UTP6: variants seen among roughly 807,000 people sequenced by gnomAD.
UTP6 encodes the protein UTP6 small subunit processome component.
Under a neutral mutation model 96.5 loss-of-function variants are expected in UTP6, and 60 were observed. That is an observed-to-expected ratio of 0.62 (90% CI 0.51 to 0.77). UTP6 has a LOEUF of 0.77. UTP6 is among the 30% of genes least tolerant of loss of function. The probability of loss-of-function intolerance (pLI) is 0.00; values close to 1 mark genes in which losing one functional copy is unlikely to be tolerated. For missense variants in UTP6, 637 were observed against 706.5 expected, an observed-to-expected ratio of 0.90 and a Z score of 1.12; for synonymous variants, 215 against 240.1, an observed-to-expected ratio of 0.90 and a Z score of 0.96.
chr17:31,881,041 T>C (rs1198283780), intron 10 of UTP6, among the ~76,000 whole-genome samples: 1 of 151,914 alleles, frequency 6.6e-6, no homozygotes, highest in Non-Finnish European at 1.5e-5. Flanking sequence ...CCAGGCATGA[T>C]GGCATGTGAC....
At position 31,862,456 on chromosome 17, in the gene UTP6, C is replaced by G. The variant is rs529083002; in HGVS notation, c.*903G>C. 6.6e-6 allele frequency: 1 copy of G among 152,274 alleles called. No individual in the cohort carries two copies. The highest frequency in any genetic ancestry group is 1.9e-4 in the East Asian group (1 of 5,192). 9.4% of individuals were successfully genotyped at this position (152,274 alleles called of 1,614,324 possible). A position where few individuals can be genotyped will look rare whatever the true frequency, so the allele number is the denominator to read the frequency against. ...CAATAAGCTACACTGAAAGCTTCTCCCAGTGACAGGATGCTTTTTTTTACC... is the reference window on the plus strand; with the variant it reads ...CAATAAGCTACACTGAAAGCTTCTCGCAGTGACAGGATGCTTTTTTTTACC... On this transcript the variant is annotated 3_prime_UTR_variant, in exon 19 of 19. Coordinates refer to ENST00000261708, the MANE Select transcript of UTP6 (RefSeq NM_018428.3).
chr17:31,886,655 C>T (rs866244952), intron 8 of UTP6: 1 of 152,818 alleles, frequency 6.5e-6, no homozygotes, highest in African/African-American at 2.4e-5. Context: ...CAAGGAGCAA[C>T]ACTCCGTCTG....
chr17:31,889,165 TA>T, intron 7 of UTP6, 119 bp downstream of exon 7: 1 of 650,330 alleles, frequency 1.5e-6, no homozygotes, highest in Non-Finnish European at 2.6e-6. Context: ...CGGGCACCTG[TA>T]ATCCCAGCTA....
intron 1 of UTP6, among the ~76,000 whole-genome samples, chr17:31,901,022 G>T (rs1411145636): frequency 6.6e-6 from 1 of 152,072 alleles, no homozygotes; most frequent in Non-Finnish European, 1.5e-5. Flanking sequence ...ATTTTAACAC[G>T]CTACTGAATG....
chr17:31,901,278 C>G, intron 1 of UTP6: 1 of 476,028 alleles, frequency 2.1e-6, no homozygotes, highest in Non-Finnish European at 3.9e-6. Flanking sequence ...AGCAGGAATC[C>G]TGGGTTTATC....
intron 16 of UTP6, among the ~76,000 whole-genome samples, chr17:31,871,931 C>T (rs374272499): frequency 6.6e-6 from 1 of 151,806 alleles, no homozygotes; most frequent in Non-Finnish European, 1.5e-5. Flanking sequence ...CAGTGGCTCA[C>T]ACCTGTAATC....
chr17:31,900,779 G>A (rs764829731), intron 1 of UTP6, among the ~76,000 whole-genome samples: 1 of 152,192 alleles, frequency 6.6e-6, no homozygotes, highest in Admixed American at 6.6e-5. Flanking sequence ...CCTTAGCTAA[G>A]GAATGAACAT....
chr17:31,890,479 G>A (rs183099082), intron 6 of UTP6, among the ~76,000 whole-genome samples: 12 of 151,856 alleles, frequency 7.9e-5, no homozygotes, highest in South Asian at 6.2e-4. Context: ...TTAGCCAGGC[G>A]TGGTGGCACC....
chr17:31,872,402 T>A (rs369863387), intron 16 of UTP6, among the ~76,000 whole-genome samples: 3 of 151,688 alleles, frequency 2.0e-5, no homozygotes, highest in Non-Finnish European at 4.4e-5. Flanking sequence ...GCATGGTGGC[T>A]TACACTTATA....
At chr17:31,872,234 T>A (rs1259092929) in intron 16 of UTP6, among the ~76,000 whole-genome samples, 1 of 151,964 alleles carries the variant, frequency 6.6e-6, no homozygotes, top group African/African-American at 2.4e-5. Context: ...TAAATAAAAT[T>A]ACAGTTATAC....
chr17:31,880,574 T>G lies in UTP6; in HGVS notation c.966A>C (p.Thr322=). The G allele has an allele frequency of 6.2e-7, 1 of 1,614,148 alleles. No individual in the cohort carries two copies. Among genetic ancestry groups the G allele is most frequent in the South Asian group, 1.1e-5 (1 of 91,084 alleles). The change falls in exon 11 of 19, where the codon ACA becomes ACC. Residue 322 remains threonine (T), a splice_region_variant and synonymous_variant. Coordinates refer to ENST00000261708, the MANE Select transcript of UTP6 (RefSeq NM_018428.3). ...VYEEAVKTLP[T]EAMWKCYITF... ...ACACCATGGTTTGGTGAAGTTCACC[T>G]GTTGGCAGAGTCTTCACTGCCTCTT...
intron 11 of UTP6, among the ~76,000 whole-genome samples, chr17:31,879,713 CT>C (rs1179415700): frequency 6.6e-6 from 1 of 151,996 alleles, no homozygotes; most frequent in Non-Finnish European, 1.5e-5. Context: ...ATTGAAGAAT[CT>C]TAGAAATTAT....
intron 16 of UTP6, among the ~76,000 whole-genome samples, chr17:31,868,400 G>A (rs923628153): frequency 2.0e-4 from 25 of 127,986 alleles, no homozygotes; most frequent in South Asian, 5.3e-4. Context: ...TGCAATCATA[G>A]CTCACTGCAG....
At position 31,863,029 on chromosome 17, in the gene UTP6, A is replaced by G. The variant is rs1016650697; in HGVS notation, c.*330T>C. 2 of 215,190 alleles carry G rather than the reference A, an allele frequency of 9.3e-6. No individual in the cohort carries two copies. Among genetic ancestry groups the G allele is most frequent in the African/African-American group, 2.3e-5 (1 of 43,680 alleles). The allele number at this position is 215,190 out of a possible 1,614,324, so 13.3% of individuals were successfully genotyped here. A position where few individuals can be genotyped will look rare whatever the true frequency, so the allele number is the denominator to read the frequency against. On this transcript the variant is annotated 3_prime_UTR_variant, in exon 19 of 19. Transcript: ENST00000261708. ...ATCGGGCCTCAACATTAAATCAGCA[A>G]TTCTCTTTACTGGAATCAGATTAGC...
chr17:31,896,029 A>T (rs1469241179), intron 2 of UTP6, among the ~76,000 whole-genome samples: 2 of 151,486 alleles, frequency 1.3e-5, no homozygotes, highest in African/African-American at 2.4e-5. Flanking sequence ...AAAAAAAAAA[A>T]AAGTTTGCTC....
chr17:31,871,162 T>C (rs956525295), intron 16 of UTP6, among the ~76,000 whole-genome samples: 16 of 151,794 alleles, frequency 1.1e-4, no homozygotes, highest in Non-Finnish European at 2.1e-4. Context: ...GCTAATTTTT[T>C]GTATTTTTTT....
chr17:31,878,409 G>A, intron 12 of UTP6, 82 bp from the exon 13 acceptor site: 1 of 1,377,808 alleles, frequency 7.3e-7, no homozygotes, highest in Non-Finnish European at 1.0e-6. Flanking sequence ...AAGCAGTTTT[G>A]CGCATTTCTT....
chr17:31,895,092 TAAAAC>T (rs1904558884), intron 2 of UTP6, 81 bp from the exon 3 acceptor site: 1 of 1,076,162 alleles, frequency 9.3e-7, no homozygotes, highest in Non-Finnish European at 1.3e-6. Flanking sequence ...GTTAAAGTCA[TAAAAC>T]AAAAATCGAG....
Position 31,880,602 on chromosome 17 carries a change from T to C in UTP6, c.938A>G (p.Tyr313Cys). The change falls in exon 11 of 19, where the codon TAT becomes TGT. Residue 313 changes from tyrosine (Y) to cysteine (C), a missense_variant. Tyr to Cys is a radical substitution (Grantham distance 194). Transcript: ENST00000261708. ...GRKEERCCAV[Y>C]EEAVKTLPTE... ...TGGCAGAGTCTTCACTGCCTCTTCATACACAGCACAGCACCTCTCCTCCTT... is the reference window on the plus strand; with the variant it reads ...TGGCAGAGTCTTCACTGCCTCTTCACACACAGCACAGCACCTCTCCTCCTT... The C allele has an allele frequency of 6.2e-7, 1 of 1,614,160 alleles. No homozygotes were observed. Among genetic ancestry groups the C allele is most frequent in the Middle Eastern group, 1.6e-4 (1 of 6,062 alleles).
Sources: gnomAD v4.1 joint callset for allele counts (sites outside exome capture counted in the v4.1 genomes callset) on GRCh38, gnomAD v4.1.1 for gene constraint, MANE v1.5 for transcripts, NCBI Gene and HGNC (gene_info 2026-07-23, HGNC 2026-07-21) for gene names.